Variants in SEMA3E observed in about 807,000 individuals in gnomAD.
SEMA3E encodes semaphorin-3E.
A neutral mutation model predicts 93.6 loss-of-function variants in SEMA3E; 49 were observed. The observed-to-expected ratio is 0.52, with a 90% CI of 0.42 to 0.66. The LOEUF is 0.66. Among genes scored for constraint, SEMA3E ranks in the 30% least tolerant of loss-of-function variants. The pLI, the probability that SEMA3E is intolerant of heterozygous loss-of-function variation, is 0.00. For missense variants in SEMA3E, 906 were observed against 964.8 expected (o/e 0.94, Z 0.81); for synonymous variants, 363 against 330.7 (o/e 1.10, Z -1.06).
intron 1 of SEMA3E, among the ~76,000 whole-genome samples, chr7:83,601,163 A>T (rs1030604427): frequency 2.0e-5 from 3 of 152,210 alleles, no homozygotes; most frequent in Admixed American, 6.5e-5. Flanking sequence ...TTATCCCTAG[A>T]TCTTCTAGAA....
chr7:83,484,765 T>C (rs1254149577), intron 2 of SEMA3E, among the ~76,000 whole-genome samples: 1 of 152,190 alleles, frequency 6.6e-6, no homozygotes, highest in Admixed American at 6.5e-5. Context: ...ATTTCCTAAT[T>C]CTATACTCAA....
chr7:83,465,451 A>G (rs895456585), intron 4 of SEMA3E, among the ~76,000 whole-genome samples: 1 of 152,330 alleles, frequency 6.6e-6, no homozygotes, highest in East Asian at 1.9e-4. Context: ...GGCTCTCTCC[A>G]GGGGCAGCTA....
chr7:83,451,800 GA>G (rs1424284825), intron 4 of SEMA3E, among the ~76,000 whole-genome samples: 1 of 152,182 alleles, frequency 6.6e-6, no homozygotes, highest in African/African-American at 2.4e-5. Context: ...CTCTTTGCAA[GA>G]AAACAAACAA....
intron 2 of SEMA3E, among the ~76,000 whole-genome samples, chr7:83,483,204 G>A (rs1218277054): frequency 1.3e-5 from 2 of 151,906 alleles, no homozygotes; most frequent in African/African-American, 4.8e-5. Flanking sequence ...AATGTAGAAG[G>A]CAAACTATAG....
At position 83,366,581 on chromosome 7, in the gene SEMA3E, A is replaced by ATT. The variant is rs1425376604; in HGVS notation, c.*1003_*1004dup. ...AACTTAAAATTTGGAGCTTTAATAG[A>ATT]TTTTCAGTGCTGCAAAATCTTCATT... On this transcript the variant is annotated 3_prime_UTR_variant, in exon 17 of 17. Transcript: ENST00000643230. 6.6e-6 allele frequency: 1 copy of ATT among 152,092 alleles called. No homozygotes were observed. Among genetic ancestry groups the ATT allele is most frequent in the African/African-American group, 2.4e-5 (1 of 41,456 alleles). 9.4% of individuals were successfully genotyped at this position (152,092 alleles called of 1,614,324 possible).
chr7:83,508,395 T>A (rs1374321290), intron 1 of SEMA3E, among the ~76,000 whole-genome samples: 1 of 151,988 alleles, frequency 6.6e-6, no homozygotes, highest in Non-Finnish European at 1.5e-5. Flanking sequence ...CCCGAGTAGC[T>A]GGGATTACAG....
intron 1 of SEMA3E, among the ~76,000 whole-genome samples, chr7:83,518,389 A>G (rs2535370): frequency 0.69 from 104,924 of 151,776 alleles, 38,042 homozygotes; most frequent in Middle Eastern, 0.84. Context: ...AATACAAGGA[A>G]ATCTATAGGT....
chr7:83,457,425 A>G (rs1013415601), intron 4 of SEMA3E, among the ~76,000 whole-genome samples: 2 of 152,242 alleles, frequency 1.3e-5, no homozygotes, highest in African/African-American at 4.8e-5. Flanking sequence ...CCCTGCTTCC[A>G]TAGCTCTCTC....
intron 1 of SEMA3E, among the ~76,000 whole-genome samples, chr7:83,545,986 T>C (rs1050083088): frequency 4.1e-5 from 6 of 147,054 alleles, no homozygotes; most frequent in African/African-American, 1.2e-4. Context: ...TTGAATAAGC[T>C]ACATGGGGGC....
chr7:83,427,685 C>A (rs1385642638), intron 4 of SEMA3E, among the ~76,000 whole-genome samples: 3 of 152,088 alleles, frequency 2.0e-5, no homozygotes, highest in Non-Finnish European at 4.4e-5. Context: ...ATGTAGTGCA[C>A]AACCCAATAA....
chr7:83,567,821 A>G (rs215246), intron 1 of SEMA3E, among the ~76,000 whole-genome samples: 3,759 of 152,146 alleles, frequency 0.025, 153 homozygotes, highest in African/African-American at 0.086. Context: ...TTTTGAATAA[A>G]CAATCTAACA....
At position 83,648,590 on chromosome 7, in the gene SEMA3E, T is replaced by A. The variant is rs1584386289; in HGVS notation, c.-48A>T. 6.9e-7 allele frequency: 1 copy of A among 1,440,756 alleles called. No individual in the cohort carries two copies. Among genetic ancestry groups the A allele is most frequent in the Non-Finnish European group, 9.7e-7 (1 of 1,026,778 alleles). The allele number at this position is 1,440,756 out of a possible 1,614,324, so 89.2% of individuals were successfully genotyped here. ...CCCTCGCTCCTCACTTTAAGGAGGG[T>A]CTGAGTTTTACTTAGGACTTCCCTC... is the stretch of plus-strand genomic sequence containing the variant. On this transcript the variant is annotated 5_prime_UTR_variant, in exon 1 of 17. Coordinates refer to ENST00000643230, the MANE Select transcript of SEMA3E (RefSeq NM_012431.3).
intron 1 of SEMA3E, among the ~76,000 whole-genome samples, chr7:83,579,348 C>A (rs1792472940): frequency 6.6e-6 from 1 of 151,914 alleles, no homozygotes; most frequent in Non-Finnish European, 1.5e-5. Context: ...TTCAGGTATT[C>A]TTTTTTAAAA....
intron 1 of SEMA3E, among the ~76,000 whole-genome samples, chr7:83,613,699 ATAAACT>A (rs1368052699): frequency 2.0e-5 from 3 of 152,218 alleles, no homozygotes; most frequent in African/African-American, 7.2e-5. Flanking sequence ...TTAAAAAATA[ATAAACT>A]TAAAACAGCA....
chr7:83,443,012 G>A (rs1035206778), intron 4 of SEMA3E, among the ~76,000 whole-genome samples: 1 of 151,348 alleles, frequency 6.6e-6, no homozygotes, highest in East Asian at 2.0e-4. Context: ...AAACCAGAAG[G>A]GGAATACAGA....
chr7:83,629,406 C>T (rs560765717), intron 1 of SEMA3E, among the ~76,000 whole-genome samples: 1 of 152,302 alleles, frequency 6.6e-6, no homozygotes, highest in Non-Finnish European at 1.5e-5. Flanking sequence ...CCCCTTCCCC[C>T]AGGTCCTCTG....
At chr7:83,514,012 C>T (rs1490812481) in intron 1 of SEMA3E, among the ~76,000 whole-genome samples, 6 of 152,072 alleles carry the variant, frequency 3.9e-5, no homozygotes, top group South Asian at 2.1e-4. Context: ...AAAGACCTTG[C>T]TGATAAAACA....
chr7:83,613,914 TC>T (rs1344400776), intron 1 of SEMA3E, among the ~76,000 whole-genome samples: 1 of 152,090 alleles, frequency 6.6e-6, no homozygotes, highest in African/African-American at 2.4e-5. Context: ...ATGTAGCATC[TC>T]TTGAAGCACT....
chr7:83,509,729 G>A (rs1790777311), intron 1 of SEMA3E, among the ~76,000 whole-genome samples: 1 of 152,152 alleles, frequency 6.6e-6, no homozygotes, highest in Admixed American at 6.5e-5. Context: ...TGCCAAGAGA[G>A]TATGGCCTAT....
Sources: allele counts gnomAD v4.1 joint callset (sites outside exome capture counted in the v4.1 genomes callset), GRCh38; gene constraint gnomAD v4.1.1; transcripts MANE v1.5; gene names NCBI Gene and HGNC (gene_info 2026-07-23, HGNC 2026-07-21).